The following GNS variants were observed in gnomAD, a reference collection of about 807,000 sequenced individuals.
GNS encodes N-acetylglucosamine-6-sulfatase.
Under a neutral mutation model 69.7 loss-of-function variants are expected in GNS, and 40 were observed. That is an observed-to-expected ratio of 0.57 (90% CI 0.45 to 0.75). The LOEUF is 0.75. Ranked by LOEUF, GNS falls within the 30% of genes least tolerant of loss-of-function variation. GNS has a pLI of 0.00. For missense variants in GNS, 565 were observed against 685.5 expected (o/e 0.82, Z 1.96); for synonymous variants, 243 against 251.6 (o/e 0.97, Z 0.32).
Position 64,716,787 on chromosome 12 carries a change from T to C in GNS, c.1613A>G (p.Asn538Ser), listed in dbSNP as rs746730219. ...YRFDPRLMFS[N>S]RGSVRTRRFS... ...TCTTCGAGTCCTGACACTGCCGCGA[T>C]TGCTGAACATGAGACGGGGGTCAAA... The change falls in exon 14 of 14, where the codon AAT becomes AGT. Residue 538 changes from asparagine (N) to serine (S), a missense_variant. By Grantham distance (46) the Asn-to-Ser change is conservative. Coordinates refer to ENST00000258145, the MANE Select transcript of GNS (RefSeq NM_002076.4). 1 of 1,613,534 alleles carries C rather than the reference T, an allele frequency of 6.2e-7. No individual in the cohort carries two copies.
At chr12:64,717,493 T>G (rs1055392759) in intron 13 of GNS, among the ~76,000 whole-genome samples, 1 of 150,108 alleles carries the variant, frequency 6.7e-6, no homozygotes, top group African/African-American at 2.4e-5. Context: ...CTGGGAACAC[T>G]GGCGTGCGCC....
chr12:64,743,235 G>C lies in GNS; in HGVS notation c.698C>G (p.Ala233Gly). 6.2e-7 allele frequency: 1 copy of C among 1,611,822 alleles called. No homozygotes were observed. The highest frequency in any genetic ancestry group is 8.5e-7 in the Non-Finnish European group (1 of 1,177,938). ...EPFFMMIATP[A>G]PHSPWTAAPQ... The stretch of plus-strand genomic sequence containing the variant: ...TGCAGCTGTCCAAGGCGAATGAGGC[G>C]CTGGAGTGGCGATCATCATGAAGAA... The change falls in exon 6 of 14, where the codon GCG (alanine) becomes GGG (glycine). Residue 233 changes from alanine (A) to glycine (G), a missense_variant. Ala to Gly is a moderately conservative substitution (Grantham distance 60). Around this residue, in one of 2 missense-constraint regions of GNS, gnomAD observed 384 missense variants for 511.0 expected, o/e 0.75. Coordinates refer to ENST00000258145, the MANE Select transcript of GNS (RefSeq NM_002076.4).
At position 64,716,610 on chromosome 12, in the gene GNS, C is replaced by G; in HGVS notation, c.*131G>C. 1 of 720,272 alleles carries G rather than the reference C, an allele frequency of 1.4e-6. No homozygotes were observed. Among genetic ancestry groups the G allele is most frequent in the East Asian group, 2.7e-5 (1 of 37,290 alleles). The allele number at this position is 720,272 out of a possible 1,614,324, so 44.6% of individuals were successfully genotyped here. A position where few individuals can be genotyped will look rare whatever the true frequency, so the allele number is the denominator to read the frequency against. Reference sequence around the variant, plus strand: ...AAGTCAGCTGACTGGGTTGCTTTTTCAAACAGGACTTAAAGCCAGCCCAGA... The same window carrying G: ...AAGTCAGCTGACTGGGTTGCTTTTTGAAACAGGACTTAAAGCCAGCCCAGA... On this transcript the variant is annotated 3_prime_UTR_variant, in exon 14 of 14. Coordinates refer to ENST00000258145, the MANE Select transcript of GNS (RefSeq NM_002076.4).
At chr12:64,735,635 C>T (rs990195497) in intron 9 of GNS, among the ~76,000 whole-genome samples, 1 of 152,242 alleles carries the variant, frequency 6.6e-6, no homozygotes, top group Admixed American at 6.5e-5. Context: ...CATTCAGCCT[C>T]CTTCCCATGT....
At chr12:64,731,128 G>C (rs951960911) in intron 9 of GNS, among the ~76,000 whole-genome samples, 1 of 152,226 alleles carries the variant, frequency 6.6e-6, no homozygotes, top group African/African-American at 2.4e-5. Flanking sequence ...CCGAGCTGGA[G>C]TGCAGTGGCA....
Position 64,721,590 on chromosome 12 carries a change from CT to C in GNS, c.1419+4del. ...GGGGGAAGTGCAGGCAGAAGTCCCT[CT>C]TACCTCCTGGTCATCAAACTCGCAA... is the stretch of plus-strand genomic sequence containing the variant. On this transcript the variant is annotated splice_donor_region_variant and intron_variant, in intron 12 of 13. Coordinates refer to ENST00000258145, the MANE Select transcript of GNS (RefSeq NM_002076.4). 7.3e-7 allele frequency: 1 copy of C among 1,377,346 alleles called. No individual in the cohort carries two copies. Among genetic ancestry groups the C allele is most frequent in the Non-Finnish European group, 1.0e-6 (1 of 963,722 alleles). 85.3% of individuals were successfully genotyped at this position (1,377,346 alleles called of 1,614,324 possible).
chr12:64,735,041 C>T (rs755584866), intron 9 of GNS, among the ~76,000 whole-genome samples: 1 of 152,116 alleles, frequency 6.6e-6, no homozygotes, highest in Non-Finnish European at 1.5e-5. Context: ...ACCCAGGAGG[C>T]GGAGCTTGCA....
intron 1 of GNS, among the ~76,000 whole-genome samples, chr12:64,757,093 T>C (rs908157638): frequency 6.6e-6 from 1 of 152,172 alleles, no homozygotes; most frequent in African/African-American, 2.4e-5. Context: ...GCAGGAGGAC[T>C]GCTTGAGACT....
At chr12:64,729,963 CAAT>C (rs1280926092) in intron 9 of GNS, among the ~76,000 whole-genome samples, 1 of 152,120 alleles carries the variant, frequency 6.6e-6, no homozygotes, top group African/African-American at 2.4e-5. Context: ...TGGTATTTCA[CAAT>C]AATAATACAT....
In GNS at chr12:64,715,387, GC is replaced by G. The variant is rs1228391278; in HGVS notation, c.*1353del. 2.6e-5 allele frequency: 4 copies of G among 152,288 alleles called. No individual in the cohort carries two copies. Among genetic ancestry groups the G allele is most frequent in the Non-Finnish European group, 4.4e-5 (3 of 68,182 alleles). The allele number at this position is 152,288 out of a possible 1,614,324, so 9.4% of individuals were successfully genotyped here. A position where few individuals can be genotyped will look rare whatever the true frequency, so the allele number is the denominator to read the frequency against. ...CAAAAAATTAGCTGGGCGTGGTGGT[GC>G]GTGCCTATAATCCCAGCTACTCAGG... On this transcript the variant is annotated 3_prime_UTR_variant, in exon 14 of 14. Coordinates refer to ENST00000258145, the MANE Select transcript of GNS (RefSeq NM_002076.4).
chr12:64,758,302 T>C (rs1181184174), intron 1 of GNS, among the ~76,000 whole-genome samples: 1 of 147,864 alleles, frequency 6.8e-6, no homozygotes, highest in Admixed American at 6.8e-5. Flanking sequence ...ATTAGTTCAC[T>C]TCAGGCCTTT....
At chr12:64,720,967 G>T (rs937439482) in intron 12 of GNS, among the ~76,000 whole-genome samples, 2 of 152,246 alleles carry the variant, frequency 1.3e-5, no homozygotes, top group African/African-American at 4.8e-5. Flanking sequence ...TGTCCAAAGT[G>T]CTTATCAGCT....
chr12:64,736,642 A>T (rs1869563616), intron 9 of GNS, among the ~76,000 whole-genome samples: 1 of 152,212 alleles, frequency 6.6e-6, no homozygotes, highest in Non-Finnish European at 1.5e-5. Context: ...TGAGTCAATC[A>T]TACTCTTTCT....
chr12:64,727,136 T>C (rs541863077), intron 10 of GNS, among the ~76,000 whole-genome samples: 1 of 151,486 alleles, frequency 6.6e-6, no homozygotes, highest in South Asian at 2.1e-4. Flanking sequence ...CCACCCGTAA[T>C]CTCAGCACTT....
intron 9 of GNS, among the ~76,000 whole-genome samples, chr12:64,734,301 A>C (rs1219824296): frequency 6.6e-6 from 1 of 152,174 alleles, no homozygotes; most frequent in East Asian, 1.9e-4. Flanking sequence ...TGGATATTTT[A>C]AGTTTAGATA....
Position 64,720,044 on chromosome 12 carries a change from T to G in GNS, c.1558A>C (p.Thr520Pro). 1.2e-6 allele frequency: 2 copies of G among 1,613,192 alleles called. No individual in the cohort carries two copies. The highest frequency in any genetic ancestry group is 8.5e-7 in the Non-Finnish European group (1 of 1,179,306). Reference protein sequence around the residue: ...LQSCSGPTCRTPGVFDPGYRF... With the variant: ...LQSCSGPTCRPPGVFDPGYRF... The stretch of plus-strand genomic sequence containing the variant: ...TACCCGGGGTCAAAAACCCCTGGAG[T>G]GCGACAGGTTGGCCCAGAACAGGAC... Residue 520 changes from threonine (T) to proline (P), a missense_variant, in exon 13 of 14, where the codon ACT becomes CCT. This residue lies in a region of GNS where 384 missense variants were observed against 511.0 expected (regional missense o/e 0.75). Transcript: ENST00000258145.
chr12:64,733,297 CAAAAAA>C (rs961321163), intron 9 of GNS, among the ~76,000 whole-genome samples: 1 of 26,650 alleles, frequency 3.8e-5, no homozygotes. Context: ...GACCCTGTCT[CAAAAAA>C]AAAAAAAAAA....
Position 64,740,603 on chromosome 12 carries a change from TA to T in GNS, c.875+2del, listed in dbSNP as rs1219484230. The T allele has an allele frequency of 6.8e-7, 1 of 1,480,264 alleles. No homozygotes were observed. Among genetic ancestry groups the T allele is most frequent in the Non-Finnish European group, 9.5e-7 (1 of 1,057,842 alleles). 91.7% of individuals were successfully genotyped at this position (1,480,264 alleles called of 1,614,324 possible). A position where few individuals can be genotyped will look rare whatever the true frequency, so the allele number is the denominator to read the frequency against. On this transcript the variant is annotated splice_donor_variant, in intron 7 of 13. Coordinates refer to ENST00000258145, the MANE Select transcript of GNS (RefSeq NM_002076.4). LOFTEE classifies it high-confidence loss of function. The stretch of plus-strand genomic sequence containing the variant: ...CAGATTGTTATGTAGCAGCAGCTCT[TA>T]CCTTTTCCTAAATGCATTATCTAAA...
chr12:64,738,826 C>CAA (rs33924782), intron 8 of GNS, among the ~76,000 whole-genome samples: 2 of 150,962 alleles, frequency 1.3e-5, no homozygotes, highest in Admixed American at 1.3e-4. Flanking sequence ...ACCAGCCCCC[C>CAA]AAAAAAATCA....
Sources: allele counts gnomAD v4.1 joint callset (sites outside exome capture counted in the v4.1 genomes callset), GRCh38; gene constraint gnomAD v4.1.1; regional missense constraint gnomAD v4.1.1; transcripts MANE v1.5; gene names NCBI Gene and HGNC (gene_info 2026-07-23, HGNC 2026-07-21).